VTI1A: variants seen among roughly 807,000 people sequenced by gnomAD.
VTI1A encodes the protein vesicle transport through interaction with t-SNAREs homolog 1A.
Under a neutral mutation model 34.9 loss-of-function variants are expected in VTI1A, and 22 were observed. The ratio of observed to expected loss-of-function variants is 0.63; its 90% CI spans 0.45 to 0.90. The LOEUF is 0.90. Among genes scored for constraint, VTI1A ranks in the 40% least tolerant of loss-of-function variants. The pLI is 0.00. For synonymous variants in VTI1A, 87 were observed against 97.3 expected (o/e 0.89, Z 0.62); for missense variants, 268 against 275.6 (o/e 0.97, Z 0.20).
At chr10:112,647,758 ATTTATTTTTAAT>A (rs1336557743) in intron 5 of VTI1A, among the ~76,000 whole-genome samples, 1 of 152,098 alleles carries the variant, frequency 6.6e-6, no homozygotes. Context: ...CATTTTTTAA[ATTTATTTTTAAT>A]TTTATTTTTA....
intron 7 of VTI1A, among the ~76,000 whole-genome samples, chr10:112,698,590 A>G (rs1848876914): frequency 1.3e-5 from 2 of 152,216 alleles, no homozygotes; most frequent in Non-Finnish European, 2.9e-5. Flanking sequence ...AAGCCCCCAA[A>G]TGAGAAACAC....
intron 7 of VTI1A, among the ~76,000 whole-genome samples, chr10:112,708,746 C>T (rs905180342): frequency 1.3e-5 from 2 of 152,236 alleles, no homozygotes; most frequent in African/African-American, 4.8e-5. Flanking sequence ...TGATCAAATA[C>T]ACCAATAAAT....
intron 3 of VTI1A, among the ~76,000 whole-genome samples, chr10:112,513,032 G>A (rs1849665330): frequency 6.6e-6 from 1 of 151,926 alleles, no homozygotes; most frequent in Admixed American, 6.6e-5. Flanking sequence ...TTCATTTTTG[G>A]TTCCATATAA....
At chr10:112,666,362 C>T (rs6585167) in intron 5 of VTI1A, among the ~76,000 whole-genome samples, 67,409 of 152,038 alleles carry the variant, frequency 0.44, 16,483 homozygotes, top group African/African-American at 0.64. Flanking sequence ...GGATTTTCTG[C>T]CATGAAAGGA....
intron 7 of VTI1A, among the ~76,000 whole-genome samples, chr10:112,700,922 T>C (rs760627127): frequency 3.3e-5 from 5 of 152,214 alleles, no homozygotes; most frequent in Admixed American, 6.5e-5. Context: ...TTCATGGAAA[T>C]TTGATTTTAC....
intron 7 of VTI1A, among the ~76,000 whole-genome samples, chr10:112,782,843 G>T (rs1230079032): frequency 6.6e-6 from 1 of 152,200 alleles, no homozygotes; most frequent in East Asian, 1.9e-4. Context: ...GGCTGGCCTG[G>T]CTAGGTGGCC....
chr10:112,663,155 C>G (rs1847523642), intron 5 of VTI1A, among the ~76,000 whole-genome samples: 1 of 152,140 alleles, frequency 6.6e-6, no homozygotes, highest in Non-Finnish European at 1.5e-5. Context: ...AATATCAGAC[C>G]AAGCAATTTG....
At chr10:112,697,440 C>T (rs1359078067) in intron 7 of VTI1A, among the ~76,000 whole-genome samples, 1 of 139,826 alleles carries the variant, frequency 7.2e-6, no homozygotes, top group Admixed American at 7.7e-5. Context: ...GCTCTTGTTG[C>T]CCAGGCAGTA....
At chr10:112,793,368 G>A (rs1852557043) in intron 7 of VTI1A, among the ~76,000 whole-genome samples, 1 of 152,184 alleles carries the variant, frequency 6.6e-6, no homozygotes, top group Non-Finnish European at 1.5e-5. Flanking sequence ...GTGCATGTTA[G>A]CATCTGAGGC....
intron 7 of VTI1A, among the ~76,000 whole-genome samples, chr10:112,814,104 A>G (rs1853422143): frequency 6.6e-6 from 1 of 152,218 alleles, no homozygotes; most frequent in Admixed American, 6.5e-5. Flanking sequence ...AAATAAACTC[A>G]TCTAGGAAGT....
chr10:112,564,160 G>GA lies in VTI1A; in HGVS notation c.427+25836dup, dbSNP rs1167394375. On this transcript the variant is annotated intron_variant, in intron 5 of 7. Coordinates refer to ENST00000393077, the MANE Select transcript of VTI1A (RefSeq NM_145206.4). ...TTGACAAATCTGACCTTGAGGGAGA[G>GA]AAAAAATAAATGCAACCACAACTTG... Among the ~76,000 whole-genome samples the GA allele has an allele frequency of 4.0e-5, 6 of 149,202 alleles. No homozygotes were observed. The East Asian group carries it at 9.8e-4, about 24-fold the overall frequency.
chr10:112,601,861 T>C (rs1434549140), intron 5 of VTI1A, among the ~76,000 whole-genome samples: 1 of 152,100 alleles, frequency 6.6e-6, no homozygotes, highest in African/African-American at 2.4e-5. Context: ...CATCTGAAAT[T>C]GGATTTAGAT....
At chr10:112,483,663 C>T (rs1189176879) in intron 3 of VTI1A, among the ~76,000 whole-genome samples, 1 of 152,132 alleles carries the variant, frequency 6.6e-6, no homozygotes. Flanking sequence ...ACTGCCACCC[C>T]AACCCCAGTC....
At chr10:112,590,965 A>G (rs1254507280) in intron 5 of VTI1A, among the ~76,000 whole-genome samples, 3 of 151,892 alleles carry the variant, frequency 2.0e-5, no homozygotes, top group African/African-American at 7.3e-5. Flanking sequence ...GCTGGGCATG[A>G]TGGCACATGC....
chr10:112,672,568 T>C lies in VTI1A; in HGVS notation c.560+3570T>C, dbSNP rs1211864165. 2.6e-5 allele frequency among the ~76,000 whole-genome samples: 4 copies of C among 152,194 alleles called. No homozygotes were observed. The East Asian group carries it at 7.7e-4, about 29-fold the overall frequency. ...GTCATGAAACAAGTGACCATTTATGTTGTAACTGGGTCCAATAAATGGGTC... is the reference window on the plus strand; with the variant it reads ...GTCATGAAACAAGTGACCATTTATGCTGTAACTGGGTCCAATAAATGGGTC... On this transcript the variant is annotated intron_variant, in intron 7 of 7. Coordinates refer to ENST00000393077, the MANE Select transcript of VTI1A (RefSeq NM_145206.4).
intron 5 of VTI1A, among the ~76,000 whole-genome samples, chr10:112,633,339 G>T (rs1199050356): frequency 3.3e-5 from 5 of 152,188 alleles, no homozygotes; most frequent in Non-Finnish European, 7.3e-5. Flanking sequence ...AACCCTGTAG[G>T]TTGATTCTCT....
At chr10:112,796,900 A>G (rs577922932) in intron 7 of VTI1A, among the ~76,000 whole-genome samples, 6 of 152,282 alleles carry the variant, frequency 3.9e-5, no homozygotes, top group African/African-American at 1.2e-4. Context: ...GATTTTTATT[A>G]GTTCCACTGG....
chr10:112,637,502 A>G (rs1228114353), intron 5 of VTI1A, among the ~76,000 whole-genome samples: 2 of 152,174 alleles, frequency 1.3e-5, no homozygotes, highest in Admixed American at 1.3e-4. Context: ...TACTAAACAT[A>G]CAAAAACTTA....
intron 5 of VTI1A, among the ~76,000 whole-genome samples, chr10:112,624,076 G>A (rs904027182): frequency 3.9e-5 from 6 of 152,124 alleles, no homozygotes; most frequent in African/African-American, 9.7e-5. Flanking sequence ...ATGAACTTAG[G>A]GGCTCAGGAG....
Sources: gnomAD v4.1 joint callset for allele counts (sites outside exome capture counted in the v4.1 genomes callset) on GRCh38, gnomAD v4.1.1 for gene constraint, MANE v1.5 for transcripts, NCBI Gene and HGNC (gene_info 2026-07-23, HGNC 2026-07-21) for gene names.